The following BNC2 variants were observed in gnomAD, a reference collection of about 807,000 sequenced individuals.
BNC2 encodes the protein zinc finger protein basonuclin-2.
In BNC2, 20 loss-of-function variants were observed where a neutral mutation model predicts 76.3. The ratio of observed to expected loss-of-function variants is 0.26; its 90% confidence interval spans 0.18 to 0.38. BNC2 has a LOEUF of 0.38. BNC2 is among the 10% of genes least tolerant of loss of function. The probability of loss-of-function intolerance (pLI) is 1.00; values close to 1 mark genes in which losing one functional copy is unlikely to be tolerated. For synonymous variants in BNC2, 582 were observed against 514.8 expected, an observed-to-expected ratio of 1.13 and a Z score of -1.77; for missense variants, 1,382 against 1,399.8, an observed-to-expected ratio of 0.99 and a Z score of 0.20.
At chr9:16,594,075 G>C (rs1264738241) in intron 3 of BNC2, among the ~76,000 whole-genome samples, 1 of 152,060 alleles carries the variant, frequency 6.6e-6, no homozygotes, top group African/African-American at 2.4e-5. Context: ...ATATGATAGA[G>C]AAGACATTAA....
intron 1 of BNC2, among the ~76,000 whole-genome samples, chr9:16,742,126 G>A (rs1284762017): frequency 1.3e-5 from 2 of 152,152 alleles, no homozygotes; most frequent in African/African-American, 4.8e-5. Flanking sequence ...TCTTTGTTTA[G>A]GTTTTCCCAA....
chr9:16,834,319 T>TG (rs578123241), intron 1 of BNC2, among the ~76,000 whole-genome samples: 17 of 152,206 alleles, frequency 1.1e-4, no homozygotes, highest in South Asian at 4.1e-4. Flanking sequence ...ATCCACTTGT[T>TG]GGGGTCAATG....
chr9:16,485,402 T>C (rs1790823709), intron 5 of BNC2, among the ~76,000 whole-genome samples: 1 of 152,178 alleles, frequency 6.6e-6, no homozygotes, highest in South Asian at 2.1e-4. Context: ...AAGCATCTGT[T>C]ACTCAAAAAC....
intron 5 of BNC2, among the ~76,000 whole-genome samples, chr9:16,505,879 AG>A (rs1282200543): frequency 6.6e-6 from 1 of 152,200 alleles, no homozygotes; most frequent in Non-Finnish European, 1.5e-5. Context: ...GCACATTTGT[AG>A]GACAGTCACA....
chr9:16,656,071 G>C (rs147220530), intron 3 of BNC2, among the ~76,000 whole-genome samples: 1 of 152,344 alleles, frequency 6.6e-6, no homozygotes, highest in Non-Finnish European at 1.5e-5. Context: ...TGTCACAACT[G>C]AGTGTGGAGG....
At chr9:16,468,917 A>C (rs1233299702) in intron 5 of BNC2, among the ~76,000 whole-genome samples, 2 of 152,198 alleles carry the variant, frequency 1.3e-5, no homozygotes, top group African/African-American at 4.8e-5. Context: ...TGCAATTGTC[A>C]GTTTGCATGA....
chr9:16,530,427 T>C (rs762855928), intron 5 of BNC2, among the ~76,000 whole-genome samples: 3 of 152,156 alleles, frequency 2.0e-5, no homozygotes, highest in East Asian at 3.9e-4. Flanking sequence ...TTCATGAGAA[T>C]TGCTAAGCAC....
chr9:16,650,992 A>G (rs1314922396), intron 3 of BNC2, among the ~76,000 whole-genome samples: 1 of 152,154 alleles, frequency 6.6e-6, no homozygotes, highest in Non-Finnish European at 1.5e-5. Context: ...AACCATTTCT[A>G]TATGCCTCGG....
At chr9:16,573,096 C>T (rs953055611) in intron 4 of BNC2, among the ~76,000 whole-genome samples, 1 of 151,512 alleles carries the variant, frequency 6.6e-6, no homozygotes, top group Non-Finnish European at 1.5e-5. Flanking sequence ...GGCGTGGTAG[C>T]GCACACCTGT....
chr9:16,833,659 A>T (rs557310526), intron 1 of BNC2, among the ~76,000 whole-genome samples: 40 of 152,238 alleles, frequency 2.6e-4, no homozygotes, highest in African/African-American at 6.0e-4. Flanking sequence ...TGCCATAAGG[A>T]ATTATTACTA....
chr9:16,849,520 G>A (rs533060152), intron 1 of BNC2, among the ~76,000 whole-genome samples: 23 of 151,816 alleles, frequency 1.5e-4, no homozygotes, highest in South Asian at 6.3e-4. Context: ...CACCACGCCC[G>A]ACTAATTTTT....
intron 1 of BNC2, chr9:16,867,526 C>G (rs1162342781): frequency 1.3e-5 from 2 of 152,140 alleles, no homozygotes; most frequent in Non-Finnish European, 2.9e-5. Context: ...CTCATATTCA[C>G]TAAGGCCATC....
At chr9:16,701,403 T>C (rs1054587564) in intron 3 of BNC2, among the ~76,000 whole-genome samples, 4 of 152,206 alleles carry the variant, frequency 2.6e-5, no homozygotes, top group Admixed American at 6.5e-5. Flanking sequence ...AATGAAAATA[T>C]GGGTACCTTC....
At chr9:16,665,300 G>T in intron 3 of BNC2, 1 of 326,278 alleles carries the variant, frequency 3.1e-6, no homozygotes, top group Non-Finnish European at 5.9e-6. Context: ...AACCTAGGAG[G>T]TGGAGGTTGC....
intron 3 of BNC2, among the ~76,000 whole-genome samples, chr9:16,718,301 T>C (rs1824049825): frequency 6.6e-6 from 1 of 152,202 alleles, no homozygotes; most frequent in South Asian, 2.1e-4. Context: ...CTCTCCCAGA[T>C]GTTGGAGTTT....
At position 16,418,664 on chromosome 9, in the gene BNC2, C is replaced by CTGTG. The variant is rs139823578; in HGVS notation, c.*321_*324dup. The CTGTG allele has an allele frequency of 0.02, 4,338 of 214,588 alleles. 87 individuals are homozygous for CTGTG. The highest frequency in any genetic ancestry group is 0.058 in the African/African-American group (2,377 of 40,740). 13.3% of individuals were successfully genotyped at this position (214,588 alleles called of 1,614,324 possible). A position where few individuals can be genotyped will look rare whatever the true frequency, so the allele number is the denominator to read the frequency against. On this transcript the variant is annotated 3_prime_UTR_variant, in exon 7 of 7. Coordinates refer to ENST00000380672, the MANE Select transcript of BNC2 (RefSeq NM_017637.6). ...TGTCAAAACTGGGGCTAGTTGCACA[C>CTGTG]TGTGTGTGTGTGTGTGTGTGTGTGT...
intron 3 of BNC2, among the ~76,000 whole-genome samples, chr9:16,597,993 C>T (rs1366200042): frequency 6.6e-6 from 1 of 152,064 alleles, no homozygotes; most frequent in African/African-American, 2.4e-5. Flanking sequence ...GGTATATGTG[C>T]TTCTTGATGA....
rs548635990 is a variant in BNC2, at chr9:16,546,296, T to C, written c.669+6234A>G. 1.4e-3 allele frequency among the ~76,000 whole-genome samples: 207 copies of C among 152,344 alleles called. 1 individual carries two copies. The highest frequency in any genetic ancestry group is 8.9e-3 in the South Asian group (43 of 4,824). On this transcript the variant is annotated intron_variant, in intron 5 of 6. Coordinates refer to ENST00000380672, the MANE Select transcript of BNC2 (RefSeq NM_017637.6). ...GGGGAGTTATCTTAATTGTAAAGAT[T>C]AAGAAACTATGACTAAGAATGGCAA... is the stretch of plus-strand genomic sequence containing the variant.
At chr9:16,661,626 C>A (rs1363889835) in intron 3 of BNC2, among the ~76,000 whole-genome samples, 1 of 152,104 alleles carries the variant, frequency 6.6e-6, no homozygotes, top group African/African-American at 2.4e-5. Flanking sequence ...TTTGGAGACT[C>A]CTATTAAGCA....
Sources: gnomAD v4.1 joint callset for allele counts (sites outside exome capture counted in the v4.1 genomes callset) on GRCh38, gnomAD v4.1.1 for gene constraint, MANE v1.5 for transcripts, NCBI Gene and HGNC (gene_info 2026-07-23, HGNC 2026-07-21) for gene names.